SUPT3H: variants seen among roughly 807,000 people sequenced by gnomAD.
The protein encoded by SUPT3H is SPT3 homolog, SAGA and STAGA complex component.
In SUPT3H, 44 loss-of-function variants were observed where a neutral mutation model predicts 44.3. The observed-to-expected ratio is 0.99, with a 90% confidence interval of 0.78 to 1.28. The LOEUF (loss-of-function observed/expected upper bound fraction) is 1.28, where lower values mean the gene tolerates loss of function less well. Among genes scored for constraint, SUPT3H ranks in the 50% most tolerant of loss-of-function variants. The pLI is 0.00. For missense variants in SUPT3H, 380 were observed against 387.1 expected (o/e 0.98, Z 0.15); for synonymous variants, 124 against 125.6 (o/e 0.99, Z 0.09).
chr6:45,125,356 T>C (rs1203888257), intron 2 of SUPT3H, among the ~76,000 whole-genome samples: 1 of 152,228 alleles, frequency 6.6e-6, no homozygotes, highest in Non-Finnish European at 1.5e-5. Flanking sequence ...ATGCATGATA[T>C]GACTACCAAA....
At chr6:45,299,869 CT>C (rs10717022) in intron 2 of SUPT3H, among the ~76,000 whole-genome samples, 88,871 of 151,578 alleles carry the variant, frequency 0.59, 26,857 homozygotes, top group African/African-American at 0.74. Context: ...TTTTTATGTT[CT>C]TTTTATTGTC....
At chr6:44,866,106 CT>C (rs57914401) in intron 10 of SUPT3H, among the ~76,000 whole-genome samples, 54,589 of 125,994 alleles carry the variant, frequency 0.43, 11,804 homozygotes, top group East Asian at 0.68. Flanking sequence ...CCTACATCGA[CT>C]TTTTTTTTTT....
chr6:44,820,385 T>C (rs1343990520), intron 11 of SUPT3H, among the ~76,000 whole-genome samples: 1 of 152,188 alleles, frequency 6.6e-6, no homozygotes, highest in East Asian at 1.9e-4. Flanking sequence ...AGAGTTATGT[T>C]GAAAAACACA....
At chr6:45,260,181 G>T (rs1304713103) in intron 2 of SUPT3H, among the ~76,000 whole-genome samples, 1 of 152,152 alleles carries the variant, frequency 6.6e-6, no homozygotes, top group African/African-American at 2.4e-5. Context: ...TTTATCTCCT[G>T]TGAGTTGACT....
chr6:44,864,206 A>G (rs1426791877), intron 10 of SUPT3H, among the ~76,000 whole-genome samples: 1 of 152,242 alleles, frequency 6.6e-6, no homozygotes, highest in Non-Finnish European at 1.5e-5. Context: ...ATGAGCCTGT[A>G]AAATCAAAAG....
intron 2 of SUPT3H, among the ~76,000 whole-genome samples, chr6:45,302,421 G>T (rs1225307717): frequency 6.7e-6 from 1 of 149,152 alleles, no homozygotes; most frequent in Non-Finnish European, 1.5e-5. Context: ...CAGGTGCTGT[G>T]AATGCCATTA....
At chr6:44,931,562 A>G (rs1414824067) in intron 10 of SUPT3H, among the ~76,000 whole-genome samples, 1 of 152,134 alleles carries the variant, frequency 6.6e-6, no homozygotes, top group Non-Finnish European at 1.5e-5. Flanking sequence ...TTCATGCAAA[A>G]GGATATATTG....
At chr6:45,196,415 C>T (rs993169551) in intron 2 of SUPT3H, among the ~76,000 whole-genome samples, 1 of 151,916 alleles carries the variant, frequency 6.6e-6, no homozygotes. Context: ...TGAAAATTTA[C>T]GACAGCCCTG....
At chr6:45,021,373 T>C (rs1489050867) in intron 3 of SUPT3H, among the ~76,000 whole-genome samples, 5 of 151,656 alleles carry the variant, frequency 3.3e-5, no homozygotes, top group Non-Finnish European at 7.4e-5. Flanking sequence ...ACATGGAAAA[T>C]AAAAGAATGT....
rs1784941865 is a variant in SUPT3H, at chr6:45,020,332, G to A, written c.273+214C>T. Among the ~76,000 whole-genome samples, 3 of 151,960 alleles carry A rather than the reference G, an allele frequency of 2.0e-5. No individual in the cohort carries two copies. The South Asian group carries it at 6.2e-4, about 31-fold the overall frequency. ...GCATAAGGATAAGTGAGGGTTCGCT[G>A]TTAGCACAGTTTTTATATAAGTGCT... On this transcript the variant is annotated intron_variant, in intron 4 of 10. Coordinates refer to ENST00000371459, the MANE Select transcript of SUPT3H (RefSeq NM_003599.4).
At chr6:45,262,457 T>C (rs973350621) in intron 2 of SUPT3H, among the ~76,000 whole-genome samples, 4 of 152,056 alleles carry the variant, frequency 2.6e-5, no homozygotes, top group African/African-American at 9.7e-5. Flanking sequence ...TGGCTTACCA[T>C]ATGCAGAAGA....
intron 4 of SUPT3H, among the ~76,000 whole-genome samples, chr6:45,018,109 T>A (rs1337347254): frequency 6.6e-6 from 1 of 151,712 alleles, no homozygotes; most frequent in East Asian, 1.9e-4. Context: ...TTTGAAGCAA[T>A]TGTGAATGGG....
chr6:45,079,421 G>A (rs1283850389), intron 3 of SUPT3H, among the ~76,000 whole-genome samples: 1 of 91,992 alleles, frequency 1.1e-5, no homozygotes, highest in Non-Finnish European at 3.1e-5. Context: ...GAAGGAAGAA[G>A]AAGGGGGAAG....
At chr6:44,988,600 T>C (rs1479292680) in intron 6 of SUPT3H, among the ~76,000 whole-genome samples, 2 of 150,862 alleles carry the variant, frequency 1.3e-5, no homozygotes, top group South Asian at 4.2e-4. Flanking sequence ...CTAATATTTC[T>C]ATTGTTAAAT....
chr6:44,933,390 G>A (rs1482793628), intron 9 of SUPT3H, among the ~76,000 whole-genome samples: 1 of 152,098 alleles, frequency 6.6e-6, no homozygotes, highest in African/African-American at 2.4e-5. Flanking sequence ...GATTATTTGC[G>A]ATGAGAGTGT....
At chr6:44,876,501 G>T (rs1412508149) in intron 10 of SUPT3H, among the ~76,000 whole-genome samples, 1 of 123,908 alleles carries the variant, frequency 8.1e-6, no homozygotes, top group Non-Finnish European at 1.7e-5. Flanking sequence ...TGTGGACTGT[G>T]GTGGGGTCGG....
chr6:44,990,638 A>C (rs575068462), intron 6 of SUPT3H, among the ~76,000 whole-genome samples: 2 of 152,086 alleles, frequency 1.3e-5, no homozygotes, highest in South Asian at 4.1e-4. Context: ...TAGACAATGG[A>C]ACTTTACACA....
intron 3 of SUPT3H, among the ~76,000 whole-genome samples, chr6:45,085,121 A>C (rs1052320354): frequency 6.6e-6 from 1 of 152,176 alleles, no homozygotes; most frequent in African/African-American, 2.4e-5. Flanking sequence ...ATAAAAGTTG[A>C]AATTTTTTAA....
chr6:45,300,992 T>C (rs1171078300), intron 2 of SUPT3H, among the ~76,000 whole-genome samples: 2 of 152,124 alleles, frequency 1.3e-5, no homozygotes, highest in African/African-American at 4.8e-5. Flanking sequence ...ATGTCACATA[T>C]TGAGACAAAG....
Sources: gnomAD v4.1 joint callset for allele counts (sites outside exome capture counted in the v4.1 genomes callset) on GRCh38, gnomAD v4.1.1 for gene constraint, MANE v1.5 for transcripts, NCBI Gene and HGNC (gene_info 2026-07-23, HGNC 2026-07-21) for gene names.